Variants in ROBO2 observed in about 807,000 individuals in gnomAD.
ROBO2 encodes roundabout homolog 2.
Under a neutral mutation model 160.8 loss-of-function variants are expected in ROBO2, and 53 were observed. That is an observed-to-expected ratio of 0.33 (90% CI 0.26 to 0.41). The LOEUF is 0.41. Ranked by LOEUF, ROBO2 falls within the 10% of genes least tolerant of loss-of-function variation. The pLI is 1.00. For missense variants in ROBO2, 1,577 were observed against 1,722.4 expected, an observed-to-expected ratio of 0.92 and a Z score of 1.49; for synonymous variants, 664 against 611.7, an observed-to-expected ratio of 1.09 and a Z score of -1.26.
At chr3:77,585,930 T>C (rs2094035210) in intron 16 of ROBO2, among the ~76,000 whole-genome samples, 1 of 152,116 alleles carries the variant, frequency 6.6e-6, no homozygotes. Context: ...TTTGTTTTAA[T>C]TAAATCATGT....
intron 2 of ROBO2, among the ~76,000 whole-genome samples, chr3:77,261,379 C>T (rs987617555): frequency 2.6e-5 from 4 of 152,084 alleles, no homozygotes; most frequent in African/African-American, 9.7e-5. Context: ...TAAGAAAGAG[C>T]TGTTAAAGCT....
At chr3:76,509,208 G>T (rs1167282295) in intron 2 of ROBO2, among the ~76,000 whole-genome samples, 1 of 152,082 alleles carries the variant, frequency 6.6e-6, no homozygotes, top group Non-Finnish European at 1.5e-5. Context: ...CCATTTTAGG[G>T]CTCCTTCTGT....
chr3:76,206,641 C>G (rs937295397), intron 2 of ROBO2, among the ~76,000 whole-genome samples: 1 of 152,172 alleles, frequency 6.6e-6, no homozygotes, highest in Non-Finnish European at 1.5e-5. Flanking sequence ...TTCACCACTG[C>G]TTGAGTGCAA....
At chr3:76,391,061 T>C (rs1475706521) in intron 2 of ROBO2, among the ~76,000 whole-genome samples, 5 of 152,070 alleles carry the variant, frequency 3.3e-5, no homozygotes, top group African/African-American at 1.2e-4. Flanking sequence ...CAGTGCCTAG[T>C]AAATAGCAAG....
At position 76,231,993 on chromosome 3, in the gene ROBO2, A is replaced by G. The variant is rs1246206162; in HGVS notation, c.109+294391A>G. 3.9e-5 allele frequency among the ~76,000 whole-genome samples: 6 copies of G among 152,314 alleles called. No homozygotes were observed. In the East Asian group the frequency reaches 1.2e-3, roughly 29 times the overall value. ...GTGTCCTCATTAGTAAAATAAATTT[A>G]TAGATTAAAGGCTAACTTGCTCAAA... is the stretch of plus-strand genomic sequence containing the variant. On this transcript the variant is annotated intron_variant, in intron 2 of 26. Transcript: ENST00000487694.
At chr3:77,011,907 T>TATAA (rs1414360476) in intron 2 of ROBO2, among the ~76,000 whole-genome samples, 1 of 152,144 alleles carries the variant, frequency 6.6e-6, no homozygotes, top group African/African-American at 2.4e-5. Context: ...CATGATATAA[T>TATAA]AAGAAAAGAG....
chr3:77,183,098 G>T (rs1040912000), intron 2 of ROBO2, among the ~76,000 whole-genome samples: 2 of 151,882 alleles, frequency 1.3e-5, no homozygotes, highest in Non-Finnish European at 2.9e-5. Flanking sequence ...ACTGATGCTG[G>T]CTCCTGTTTT....
At chr3:76,788,679 A>T (rs1260979724) in intron 2 of ROBO2, among the ~76,000 whole-genome samples, 1 of 151,612 alleles carries the variant, frequency 6.6e-6, no homozygotes, top group Non-Finnish European at 1.5e-5. Flanking sequence ...AATGATATGG[A>T]ATATCTATAC....
chr3:76,558,446 G>C (rs1439738322), intron 2 of ROBO2, among the ~76,000 whole-genome samples: 1 of 151,970 alleles, frequency 6.6e-6, no homozygotes, highest in Non-Finnish European at 1.5e-5. Flanking sequence ...TCCCAGTTTT[G>C]AATATTTTAT....
chr3:76,191,142 G>A (rs1486181926), intron 2 of ROBO2, among the ~76,000 whole-genome samples: 1 of 152,114 alleles, frequency 6.6e-6, no homozygotes, highest in Admixed American at 6.6e-5. Flanking sequence ...GAATCTATAA[G>A]TGCAAATACA....
intron 2 of ROBO2, among the ~76,000 whole-genome samples, chr3:77,157,469 A>G (rs1224757671): frequency 2.6e-5 from 4 of 152,062 alleles, no homozygotes; most frequent in Non-Finnish European, 5.9e-5. Context: ...AGAAACTTAT[A>G]AAAAGTTTAT....
chr3:77,400,254 T>C (rs1368773111), intron 2 of ROBO2, among the ~76,000 whole-genome samples: 4 of 152,184 alleles, frequency 2.6e-5, no homozygotes, highest in African/African-American at 9.6e-5. Context: ...GGATAGGTTG[T>C]GAATTATCTG....
Position 76,009,996 on chromosome 3 carries a change from T to C in ROBO2, c.109+72394T>C, listed in dbSNP as rs1022236. Among the ~76,000 whole-genome samples, 1,074 of 152,348 alleles carry C rather than the reference T, an allele frequency of 7.0e-3. 74 individuals carry two copies. The East Asian group carries it at 0.18, about 25-fold the overall frequency. ...CTATTTCTTTTCTATTTTCTTTATA[T>C]GTATTGTAATTTCTCAATGGCATTC... On this transcript the variant is annotated intron_variant, in intron 2 of 26. Transcript: ENST00000487694.
intron 2 of ROBO2, among the ~76,000 whole-genome samples, chr3:77,422,963 T>C (rs571141390): frequency 5.3e-5 from 8 of 152,288 alleles, no homozygotes; most frequent in Non-Finnish European, 1.0e-4. Context: ...ACCAATTCCC[T>C]TATGGCCCAT....
chr3:76,186,750 T>TTCAC (rs1427927420), intron 2 of ROBO2, among the ~76,000 whole-genome samples: 1 of 152,130 alleles, frequency 6.6e-6, no homozygotes, highest in Non-Finnish European at 1.5e-5. Context: ...GCAAAATTTA[T>TTCAC]TCACTCCCTT....
At chr3:76,006,200 C>T (rs2066015525) in intron 2 of ROBO2, among the ~76,000 whole-genome samples, 2 of 152,038 alleles carry the variant, frequency 1.3e-5, no homozygotes, top group Admixed American at 1.3e-4. Context: ...TTATACATTT[C>T]ATTTTCAGGG....
intron 2 of ROBO2, among the ~76,000 whole-genome samples, chr3:76,775,379 A>G (rs1359617473): frequency 2.0e-5 from 3 of 150,884 alleles, no homozygotes; most frequent in African/African-American, 7.3e-5. Context: ...TTATGAATAA[A>G]CATTGAAGCT....
At chr3:77,062,457 C>T (rs190184293) in intron 1 of ROBO2, among the ~76,000 whole-genome samples, 2 of 152,132 alleles carry the variant, frequency 1.3e-5, no homozygotes, top group East Asian at 1.9e-4. Flanking sequence ...TTGTGGAACT[C>T]GTGTATCCAA....
intron 2 of ROBO2, among the ~76,000 whole-genome samples, chr3:76,474,194 A>G (rs2078813868): frequency 6.6e-6 from 1 of 152,168 alleles, no homozygotes; most frequent in South Asian, 2.1e-4. Context: ...ATGTCATTTT[A>G]CAGGAAGTGC....
Sources: allele counts gnomAD v4.1 joint callset (sites outside exome capture counted in the v4.1 genomes callset), GRCh38; gene constraint gnomAD v4.1.1; transcripts MANE v1.5; gene names NCBI Gene and HGNC (gene_info 2026-07-23, HGNC 2026-07-21).